LRP1B: variants seen among roughly 807,000 people sequenced by gnomAD.
LRP1B encodes low-density lipoprotein receptor-related protein 1B.
A neutral mutation model predicts 556.6 loss-of-function variants in LRP1B; 217 were observed. The observed-to-expected ratio is 0.39, with a 90% CI of 0.35 to 0.44. LRP1B has a LOEUF of 0.44. Ranked by LOEUF, LRP1B falls within the 20% of genes least tolerant of loss-of-function variation. LRP1B has a pLI of 1.00. For missense variants in LRP1B, 5,053 were observed against 5,620.8 expected, an observed-to-expected ratio of 0.90 and a Z score of 3.23; for synonymous variants, 2,047 against 1,865.8, an observed-to-expected ratio of 1.10 and a Z score of -2.50.
chr2:142,026,868 T>A (rs1157318525), intron 1 of LRP1B, among the ~76,000 whole-genome samples: 1 of 152,074 alleles, frequency 6.6e-6, no homozygotes, highest in Non-Finnish European at 1.5e-5. Context: ...TTATTTTTCA[T>A]ATCTTCTCAT....
intron 3 of LRP1B, among the ~76,000 whole-genome samples, chr2:141,315,201 A>G (rs1467765982): frequency 2.1e-5 from 3 of 144,880 alleles, no homozygotes; most frequent in Admixed American, 2.0e-4. Context: ...AAAAATGAAC[A>G]TAATAAAGTC....
chr2:141,101,561 C>T (rs1320220915), intron 7 of LRP1B, among the ~76,000 whole-genome samples: 3 of 151,714 alleles, frequency 2.0e-5, no homozygotes, highest in Admixed American at 6.6e-5. Flanking sequence ...ATAATAAAAC[C>T]GATTTATATT....
chr2:141,936,097 G>T (rs190769110), intron 1 of LRP1B, among the ~76,000 whole-genome samples: 22 of 152,184 alleles, frequency 1.4e-4, no homozygotes, highest in African/African-American at 4.6e-4. Context: ...TTACCTACAA[G>T]AAACTACAAT....
At chr2:141,182,812 T>A (rs1681063796) in intron 7 of LRP1B, among the ~76,000 whole-genome samples, 1 of 151,694 alleles carries the variant, frequency 6.6e-6, no homozygotes, top group Non-Finnish European at 1.5e-5. Flanking sequence ...AAATCAACTT[T>A]TGTTACGGGG....
intron 3 of LRP1B, among the ~76,000 whole-genome samples, chr2:141,449,494 T>C (rs111992241): frequency 1.2e-3 from 180 of 152,326 alleles, no homozygotes; most frequent in African/African-American, 4.2e-3. Flanking sequence ...GCAGATTCCA[T>C]TGGCATTTAG....
chr2:140,312,952 C>T (rs1684373226), intron 83 of LRP1B, among the ~76,000 whole-genome samples: 1 of 151,834 alleles, frequency 6.6e-6, no homozygotes, highest in South Asian at 2.1e-4. Context: ...GCCCCAAACC[C>T]TAGTTATATA....
chr2:140,487,864 A>G, intron 57 of LRP1B, 125 bp from the exon 58 acceptor site: 1 of 542,366 alleles, frequency 1.8e-6, no homozygotes, highest in Non-Finnish European at 3.1e-6. Flanking sequence ...ATAATAAAGT[A>G]TTTGCTACCA....
At chr2:140,627,632 T>C (rs1177869265) in intron 41 of LRP1B, among the ~76,000 whole-genome samples, 5 of 152,214 alleles carry the variant, frequency 3.3e-5, no homozygotes, top group Non-Finnish European at 1.5e-5. Context: ...CTTGTGATTG[T>C]GTGAGTCAAT....
intron 1 of LRP1B, among the ~76,000 whole-genome samples, chr2:142,021,700 T>C (rs1340708954): frequency 6.6e-6 from 1 of 152,090 alleles, no homozygotes; most frequent in Non-Finnish European, 1.5e-5. Context: ...AGCAGCCCTA[T>C]GGAATGTTGC....
chr2:141,252,595 T>G (rs1029978703), intron 4 of LRP1B, among the ~76,000 whole-genome samples: 1 of 152,130 alleles, frequency 6.6e-6, no homozygotes, highest in Non-Finnish European at 1.5e-5. Context: ...TTTTCACAGA[T>G]TTTTCAACTT....
In LRP1B at chr2:141,062,510, A is replaced by T. The variant is rs562924013; in HGVS notation, c.1014-237T>A. On this transcript the variant is annotated intron_variant, in intron 7 of 90. Transcript: ENST00000389484. ...CTGTAAAATTTCCCCAAAATGAATG[A>T]TTATAGTGGGTTTATTTTTGTATTA... Among the ~76,000 whole-genome samples the T allele has an allele frequency of 3.3e-5, 5 of 151,912 alleles. No individual in the cohort carries two copies. The South Asian group carries it at 1.0e-3, about 31-fold the overall frequency.
chr2:140,955,668 T>C (rs1439610189), intron 18 of LRP1B, among the ~76,000 whole-genome samples: 2 of 151,792 alleles, frequency 1.3e-5, no homozygotes, highest in Admixed American at 6.6e-5. Flanking sequence ...CTATTATATG[T>C]TTCACTTAAA....
chr2:140,525,818 T>G, intron 49 of LRP1B, 26 bp downstream of exon 49: 1 of 1,604,842 alleles, frequency 6.2e-7, no homozygotes, highest in Non-Finnish European at 8.5e-7. Flanking sequence ...AGGCAAAGCC[T>G]GTGTTTTTCT....
At chr2:141,568,757 G>A (rs577955494) in intron 2 of LRP1B, among the ~76,000 whole-genome samples, 3 of 150,918 alleles carry the variant, frequency 2.0e-5, no homozygotes, top group African/African-American at 7.3e-5. Flanking sequence ...ATATTCATTA[G>A]TTTAGTTAGT....
intron 1 of LRP1B, among the ~76,000 whole-genome samples, chr2:142,079,076 C>T (rs1440487030): frequency 6.6e-6 from 1 of 152,142 alleles, no homozygotes; most frequent in Non-Finnish European, 1.5e-5. Context: ...AATGCCATTA[C>T]ATTTAATGTC....
chr2:140,980,959 G>A (rs1371103544), intron 18 of LRP1B, among the ~76,000 whole-genome samples: 2 of 152,142 alleles, frequency 1.3e-5, no homozygotes, highest in Non-Finnish European at 2.9e-5. Context: ...GGATGGAGCT[G>A]GAGGCCATTA....
At chr2:141,717,157 C>A (rs548622289) in intron 2 of LRP1B, among the ~76,000 whole-genome samples, 1 of 152,166 alleles carries the variant, frequency 6.6e-6, no homozygotes, top group African/African-American at 2.4e-5. Context: ...CAGCACTAAC[C>A]CAAAAGGACC....
chr2:140,835,110 G>C (rs544322069), intron 31 of LRP1B, among the ~76,000 whole-genome samples: 1 of 152,078 alleles, frequency 6.6e-6, no homozygotes, highest in Non-Finnish European at 1.5e-5. Flanking sequence ...ATACTTCTTT[G>C]GTCTATTTTG....
intron 5 of LRP1B, among the ~76,000 whole-genome samples, chr2:141,245,856 C>G (rs936822256): frequency 1.3e-5 from 2 of 152,088 alleles, no homozygotes; most frequent in Non-Finnish European, 2.9e-5. Context: ...ATTAGCAAGA[C>G]AAGTTTATTC....
Sources: allele counts gnomAD v4.1 joint callset (sites outside exome capture counted in the v4.1 genomes callset), GRCh38; gene constraint gnomAD v4.1.1; transcripts MANE v1.5; gene names NCBI Gene and HGNC (gene_info 2026-07-23, HGNC 2026-07-21).